Variants in PPP1R12A observed in about 807,000 individuals in gnomAD.
PPP1R12A encodes the protein protein phosphatase 1 regulatory subunit 12A, also known as myosin binding subunit.
In PPP1R12A, 19 loss-of-function variants were observed where a neutral mutation model predicts 139.6. The observed-to-expected ratio is 0.14, with a 90% CI of 0.09 to 0.20. PPP1R12A has a LOEUF of 0.20. Among genes scored for constraint, PPP1R12A ranks in the 10% least tolerant of loss-of-function variants. The pLI is 1.00. For missense variants in PPP1R12A, 925 were observed against 1,211.5 expected (o/e 0.76, Z 3.51); for synonymous variants, 427 against 420.6 (o/e 1.02, Z -0.19).
chr12:79,813,131 C>CTATAAA (rs1411933492), intron 9 of PPP1R12A, among the ~76,000 whole-genome samples: 24 of 152,308 alleles, frequency 1.6e-4, no homozygotes, highest in African/African-American at 5.8e-4. Flanking sequence ...TGTTATCCTA[C>CTATAAA]AGTTGAAGAC....
intron 3 of PPP1R12A, among the ~76,000 whole-genome samples, chr12:79,833,846 G>A (rs1448312967): frequency 3.8e-3 from 446 of 116,594 alleles, no homozygotes; most frequent in South Asian, 4.6e-3. Context: ...CAAAGAAAAG[G>A]AAAAAAAAAA....
intron 20 of PPP1R12A, among the ~76,000 whole-genome samples, chr12:79,790,072 T>C (rs369728020): frequency 5.3e-5 from 8 of 152,180 alleles, no homozygotes; most frequent in South Asian, 2.1e-4. Context: ...AGGGTTGAGC[T>C]AGATGACACT....
intron 23 of PPP1R12A, 64 bp downstream of exon 23, chr12:79,781,751 A>G: frequency 1.0e-6 from 1 of 971,790 alleles, no homozygotes; most frequent in Non-Finnish European, 1.5e-6. Flanking sequence ...AAAACAAAAA[A>G]CCTACCATTG....
In PPP1R12A at chr12:79,775,866, G is replaced by A; in HGVS notation, c.*63C>T. 4 of 1,152,180 alleles carry A rather than the reference G, an allele frequency of 3.5e-6. No individual in the cohort carries two copies. The highest frequency in any genetic ancestry group is 2.7e-5 in the East Asian group (1 of 37,030). The allele number at this position is 1,152,180 out of a possible 1,614,324, so 71.4% of individuals were successfully genotyped here. ...GATTCTTCCCAGACTTCCAGTGACTGCCAATTATGGTCCACTGGGTTACTA... is the reference window on the plus strand; with the variant it reads ...GATTCTTCCCAGACTTCCAGTGACTACCAATTATGGTCCACTGGGTTACTA... On this transcript the variant is annotated 3_prime_UTR_variant, in exon 25 of 25. Coordinates refer to ENST00000450142, the MANE Select transcript of PPP1R12A (RefSeq NM_002480.3).
intron 1 of PPP1R12A, among the ~76,000 whole-genome samples, chr12:79,931,819 A>G (rs997216457): frequency 3.9e-5 from 6 of 152,092 alleles, no homozygotes; most frequent in Admixed American, 2.0e-4. Context: ...GAGAAAGGCT[A>G]CTCTGGAGAC....
chr12:79,879,371 A>C (rs1565793767), intron 1 of PPP1R12A, among the ~76,000 whole-genome samples: 1 of 152,200 alleles, frequency 6.6e-6, no homozygotes, highest in African/African-American at 2.4e-5. Context: ...GTCTCAAAAA[A>C]AAAAGAAAAC....
chr12:79,807,376 A>G, intron 11 of PPP1R12A, 46 bp from the exon 12 acceptor site: 1 of 1,236,974 alleles, frequency 8.1e-7, no homozygotes, highest in Non-Finnish European at 1.1e-6. Context: ...ATTTTAAAAT[A>G]GGATTAAGAA....
chr12:79,910,016 TA>T lies in PPP1R12A; in HGVS notation c.237+24678del, dbSNP rs539412231. The stretch of plus-strand genomic sequence containing the variant: ...CGCCCAGCCTGTCATATTATTTTTA[TA>T]ATAAAAAAGGGGAGGAATCATTTTG... On this transcript the variant is annotated intron_variant, in intron 1 of 24. Transcript: ENST00000450142. Among the ~76,000 whole-genome samples, 354 of 151,934 alleles carry T rather than the reference TA, an allele frequency of 2.3e-3. 1 individual carries two copies. The highest frequency in any genetic ancestry group is 7.1e-3 in the African/African-American group (293 of 41,456).
intron 9 of PPP1R12A, among the ~76,000 whole-genome samples, chr12:79,811,526 A>G (rs1874532644): frequency 6.6e-6 from 1 of 152,214 alleles, no homozygotes; most frequent in Non-Finnish European, 1.5e-5. Flanking sequence ...CTGTGAAAAA[A>G]TCCTACCAAA....
intron 2 of PPP1R12A, among the ~76,000 whole-genome samples, chr12:79,846,853 T>C (rs2137220000): frequency 6.6e-6 from 1 of 152,208 alleles, no homozygotes; most frequent in Non-Finnish European, 1.5e-5. Context: ...TCTTCCGGCA[T>C]CACACTTTAG....
rs142751209 is a variant in PPP1R12A at position 79,921,718 on chromosome 12, A to C, written c.237+12977T>G. ...ACATATGATAAATGGTGATCTCTCT[A>C]TGTTTCTTGCATGAATGAGTTATTC... On this transcript the variant is annotated intron_variant, in intron 1 of 24. Transcript: ENST00000450142. Among the ~76,000 whole-genome samples the C allele has an allele frequency of 8.6e-3, 1,304 of 152,298 alleles. 21 individuals carry two copies. The highest frequency in any genetic ancestry group is 0.03 in the African/African-American group (1,247 of 41,536).
At chr12:79,849,373 C>T (rs955313356) in intron 2 of PPP1R12A, among the ~76,000 whole-genome samples, 3 of 143,430 alleles carry the variant, frequency 2.1e-5, no homozygotes, top group African/African-American at 7.6e-5. Flanking sequence ...GGTGACAGGG[C>T]TAGACTCCAT....
At chr12:79,818,892 C>A (rs1875738144) in intron 8 of PPP1R12A, 1 of 152,176 alleles carries the variant, frequency 6.6e-6, no homozygotes, top group African/African-American at 2.4e-5. Flanking sequence ...AAATGGTTTA[C>A]AAATTGTCAA....
intron 1 of PPP1R12A, among the ~76,000 whole-genome samples, chr12:79,914,544 C>T (rs1886841123): frequency 1.3e-5 from 2 of 152,032 alleles, no homozygotes; most frequent in East Asian, 3.9e-4. Context: ...TACATTTATA[C>T]AATCAATATT....
intron 18 of PPP1R12A, among the ~76,000 whole-genome samples, chr12:79,795,022 G>A (rs1178595301): frequency 6.6e-6 from 1 of 152,000 alleles, no homozygotes; most frequent in Non-Finnish European, 1.5e-5. Flanking sequence ...TCATCATTCT[G>A]AGTGGTGATT....
chr12:79,890,040 G>T (rs750092048), intron 1 of PPP1R12A, among the ~76,000 whole-genome samples: 11 of 152,054 alleles, frequency 7.2e-5, no homozygotes, highest in African/African-American at 7.2e-5. Flanking sequence ...TGAATTTTTA[G>T]GCATGACAGA....
At chr12:79,892,049 T>C (rs1421750687) in intron 1 of PPP1R12A, among the ~76,000 whole-genome samples, 1 of 152,228 alleles carries the variant, frequency 6.6e-6, no homozygotes, top group East Asian at 1.9e-4. Flanking sequence ...GGTAATCTAC[T>C]ATGCAGTGAT....
At chr12:79,910,662 A>T (rs1886496138) in intron 1 of PPP1R12A, among the ~76,000 whole-genome samples, 1 of 152,218 alleles carries the variant, frequency 6.6e-6, no homozygotes. Context: ...TCGAACATGC[A>T]TGTATATATG....
chr12:79,777,616 C>T (rs371678337), intron 24 of PPP1R12A: 3 of 985,168 alleles, frequency 3.0e-6, no homozygotes, highest in Admixed American at 6.2e-5. Flanking sequence ...TCATTTAACT[C>T]CCTCAGAGAT....
Sources: gnomAD v4.1 joint callset for allele counts (sites outside exome capture counted in the v4.1 genomes callset) on GRCh38, gnomAD v4.1.1 for gene constraint, MANE v1.5 for transcripts, NCBI Gene and HGNC (gene_info 2026-07-23, HGNC 2026-07-21) for gene names.